XRRA1: variants seen among roughly 807,000 people sequenced by gnomAD.
XRRA1 encodes the protein X-ray radiation resistance-associated protein 1.
In XRRA1, 69 loss-of-function variants were observed where a neutral mutation model predicts 80.2. The ratio of observed to expected loss-of-function variants is 0.86; its 90% CI spans 0.71 to 1.05. The LOEUF (loss-of-function observed/expected upper bound fraction) is 1.05, where lower values mean the gene tolerates loss of function less well. Ranked by LOEUF, XRRA1 falls within the 50% of genes least tolerant of loss-of-function variation. The pLI is 0.00. For missense variants in XRRA1, 967 were observed against 976.4 expected (o/e 0.99, Z 0.13); for synonymous variants, 348 against 389.9 (o/e 0.89, Z 1.27).
Position 74,930,390 on chromosome 11 carries a change from A to AT in XRRA1, c.352-19_352-18insA. ...TCCTTGGCCTGTAGGAAAGCATTTC[A>AT]GAAAAAAAAAAAAATCCACAAGATT... On this transcript the variant is annotated intron_variant, in intron 5 of 18. Transcript: ENST00000684022. The AT allele has an allele frequency of 6.6e-7, 1 of 1,525,212 alleles. No homozygotes were observed. The allele number at this position is 1,525,212 out of a possible 1,614,324, so 94.5% of individuals were successfully genotyped here.
chr11:74,940,964 G>T, intron 2 of XRRA1, 82 bp from the exon 3 acceptor site: 1 of 1,059,408 alleles, frequency 9.4e-7, no homozygotes, highest in Non-Finnish European at 1.4e-6. Context: ...CAGCTCATGA[G>T]CCCACCAGGA....
rs1327926247 is a variant in XRRA1 at position 74,892,165 on chromosome 11, C to T, written c.1003+14074G>A. Among the ~76,000 whole-genome samples, 3 of 152,234 alleles carry T rather than the reference C, an allele frequency of 2.0e-5. No homozygotes were observed. In the South Asian group the frequency reaches 6.2e-4, roughly 32 times the overall value. On this transcript the variant is annotated intron_variant, in intron 10 of 18. Coordinates refer to ENST00000684022, the MANE Select transcript of XRRA1 (RefSeq NM_001378157.1). ...CCTGACTTCAAACTGTACTACAAGG[C>T]TACAGTAACCAAAACAGCATGGTAC... is the stretch of plus-strand genomic sequence containing the variant.
intron 8 of XRRA1, among the ~76,000 whole-genome samples, chr11:74,916,809 GT>G (rs1335175977): frequency 6.6e-6 from 1 of 151,780 alleles, no homozygotes; most frequent in East Asian, 1.9e-4. Flanking sequence ...GGTTTGCTGG[GT>G]TTTTTTGTTT....
intron 18 of XRRA1, 91 bp downstream of exon 18, chr11:74,843,763 C>T: frequency 8.4e-7 from 1 of 1,186,988 alleles, no homozygotes; most frequent in Non-Finnish European, 1.2e-6. Context: ...TCTCTAAGGG[C>T]CTTTCCTGCA....
intron 4 of XRRA1, among the ~76,000 whole-genome samples, chr11:74,935,668 T>C (rs187812112): frequency 2.8e-4 from 42 of 152,180 alleles, no homozygotes; most frequent in South Asian, 4.2e-4. Context: ...GTAAAGTAGA[T>C]ACTGGAAAAA....
At chr11:74,844,334 A>G in intron 16 of XRRA1, 51 bp from the exon 17 acceptor site, 1 of 1,356,004 alleles carries the variant, frequency 7.4e-7, no homozygotes, top group Non-Finnish European at 1.0e-6. Context: ...TCCTCCTCCC[A>G]GATGCCTCCC....
At chr11:74,924,041 T>C (rs1307206446) in intron 7 of XRRA1, among the ~76,000 whole-genome samples, 1 of 151,794 alleles carries the variant, frequency 6.6e-6, no homozygotes. Context: ...CACGGTCTCA[T>C]TTTGTTCCCA....
At chr11:74,900,013 A>T (rs1055647829) in intron 10 of XRRA1, among the ~76,000 whole-genome samples, 1 of 152,000 alleles carries the variant, frequency 6.6e-6, no homozygotes, top group Admixed American at 6.6e-5. Flanking sequence ...AAAATACAAA[A>T]AATTAGCCAG....
At chr11:74,882,559 G>C (rs1453095252) in intron 10 of XRRA1, among the ~76,000 whole-genome samples, 1 of 152,186 alleles carries the variant, frequency 6.6e-6, no homozygotes, top group Non-Finnish European at 1.5e-5. Flanking sequence ...GTGAGGAACT[G>C]CGTTCCTTTG....
Position 74,853,421 on chromosome 11 carries a change from A to G in XRRA1, c.1171-1339T>C, listed in dbSNP as rs1400927012. Among the ~76,000 whole-genome samples, 4 of 152,198 alleles carry G rather than the reference A, an allele frequency of 2.6e-5. No homozygotes were observed. The East Asian group carries it at 7.7e-4, about 29-fold the overall frequency. ...ACATGACCCAGTTCCAGCCAACGCA[A>G]CTTGGGCAGAAGTGGTAAATGCTAC... On this transcript the variant is annotated intron_variant, in intron 12 of 18. Coordinates refer to ENST00000684022, the MANE Select transcript of XRRA1 (RefSeq NM_001378157.1).
intron 11 of XRRA1, 28 bp downstream of exon 11, chr11:74,862,953 A>G (rs2042611713): frequency 1.3e-6 from 2 of 1,553,208 alleles, no homozygotes; most frequent in Non-Finnish European, 8.8e-7. Context: ...TAACTCAGGA[A>G]CACAAATATA....
chr11:74,880,079 T>A (rs1449875428), intron 10 of XRRA1, among the ~76,000 whole-genome samples: 1 of 152,092 alleles, frequency 6.6e-6, no homozygotes, highest in Non-Finnish European at 1.5e-5. Context: ...AATTCGGCTG[T>A]GAATCCATCT....
intron 12 of XRRA1, among the ~76,000 whole-genome samples, chr11:74,857,249 A>AAT (rs1565243594): frequency 6.6e-6 from 1 of 152,208 alleles, no homozygotes; most frequent in East Asian, 1.9e-4. Context: ...TGCTGTCTAA[A>AAT]AGAGACACAC....
At chr11:74,931,131 CGTGT>C (rs61614618) in intron 5 of XRRA1, among the ~76,000 whole-genome samples, 3 of 149,414 alleles carry the variant, frequency 2.0e-5, no homozygotes, top group Non-Finnish European at 4.4e-5. Flanking sequence ...TATGCTTATA[CGTGT>C]GTGTGTGTGT....
chr11:74,943,247 A>C (rs1946701841), intron 2 of XRRA1, among the ~76,000 whole-genome samples: 1 of 151,994 alleles, frequency 6.6e-6, no homozygotes, highest in Non-Finnish European at 1.5e-5. Flanking sequence ...GAAAAAGAAT[A>C]TAGTTCTGAC....
chr11:74,877,433 C>T (rs1335714273), intron 10 of XRRA1, among the ~76,000 whole-genome samples: 2 of 152,028 alleles, frequency 1.3e-5, no homozygotes, highest in Non-Finnish European at 2.9e-5. Context: ...GCCTATAGTA[C>T]TCCCACTAAT....
chr11:74,906,496 T>C lies in XRRA1; in HGVS notation c.786-40A>G, dbSNP rs1331105003. Reference sequence around the variant, plus strand: ...AGTGAATATAGAATCATAGCAATAATGATACCTCAGGATTGTTTACCAAGC... The same window carrying C: ...AGTGAATATAGAATCATAGCAATAACGATACCTCAGGATTGTTTACCAAGC... On this transcript the variant is annotated intron_variant, in intron 9 of 18. Transcript: ENST00000684022. 5.0e-6 allele frequency: 8 copies of C among 1,600,984 alleles called. No individual in the cohort carries two copies. The Admixed American group carries it at 6.8e-5, about 14-fold the overall frequency.
rs1205552622 is a variant in XRRA1 at position 74,859,165 on chromosome 11, T to C, written c.1163A>G (p.Tyr388Cys). Reference sequence around the variant, plus strand: ...AGAGGAGCAGAAAGTCACCTTGTTGTAGGCCAGGCTAAGGTATCTCAGCTC... The same window carrying C: ...AGAGGAGCAGAAAGTCACCTTGTTGCAGGCCAGGCTAAGGTATCTCAGCTC... ...FPELRYLSLA[Y>C]NKIAKEDAVL... Residue 388 changes from tyrosine (Y) to cysteine (C), a missense_variant, in exon 12 of 19, where the codon TAC (tyrosine) becomes TGC (cysteine). By Grantham distance (194) the Tyr-to-Cys change is radical. Coordinates refer to ENST00000684022, the MANE Select transcript of XRRA1 (RefSeq NM_001378157.1). The C allele has an allele frequency of 6.3e-7, 1 of 1,598,518 alleles. No individual in the cohort carries two copies.
At position 74,901,893 on chromosome 11, in the gene XRRA1, A is replaced by G. The variant is rs566895736; in HGVS notation, c.1003+4346T>C. On this transcript the variant is annotated intron_variant, in intron 10 of 18. Transcript: ENST00000684022. Reference sequence around the variant, plus strand: ...TTGAGTAGTAATATCTCACAAGCACAGGCAACCAAAGCAAAAATAGACAAA... The same window carrying G: ...TTGAGTAGTAATATCTCACAAGCACGGGCAACCAAAGCAAAAATAGACAAA... Among the ~76,000 whole-genome samples the G allele has an allele frequency of 9.8e-4, 149 of 152,338 alleles. 1 individual carries two copies. Among genetic ancestry groups the G allele is most frequent in the African/African-American group, 3.5e-3 (145 of 41,590 alleles).
Sources: allele counts gnomAD v4.1 joint callset (sites outside exome capture counted in the v4.1 genomes callset), GRCh38; gene constraint gnomAD v4.1.1; transcripts MANE v1.5; gene names NCBI Gene and HGNC (gene_info 2026-07-23, HGNC 2026-07-21).